The following DOCK5 variants were observed in gnomAD, a reference collection of about 807,000 sequenced individuals.
DOCK5 encodes dedicator of cytokinesis 5.
Under a neutral mutation model 251.8 loss-of-function variants are expected in DOCK5, and 142 were observed. That is an observed-to-expected ratio of 0.56 (90% CI 0.49 to 0.65). DOCK5 has a LOEUF of 0.65. DOCK5 is among the 30% of genes least tolerant of loss of function. DOCK5 has a pLI of 0.00. For missense variants in DOCK5, 2,111 were observed against 2,312.3 expected, an observed-to-expected ratio of 0.91 and a Z score of 1.79; for synonymous variants, 842 against 835.5, an observed-to-expected ratio of 1.01 and a Z score of -0.13.
chr8:25,247,416 G>A (rs1415651273), intron 2 of DOCK5, among the ~76,000 whole-genome samples: 6 of 152,024 alleles, frequency 3.9e-5, no homozygotes, highest in Admixed American at 3.9e-4. Flanking sequence ...GGGCAACATA[G>A]TGAGACCTTG....
intron 38 of DOCK5, among the ~76,000 whole-genome samples, chr8:25,379,853 CACA>C (rs1801033219): frequency 2.3e-5 from 3 of 128,400 alleles, no homozygotes; most frequent in African/African-American, 8.0e-5. Flanking sequence ...TACACCTACA[CACA>C]CACACACACA....
intron 2 of DOCK5, among the ~76,000 whole-genome samples, chr8:25,258,990 A>G (rs570659366): frequency 8.5e-5 from 13 of 152,230 alleles, no homozygotes; most frequent in African/African-American, 2.9e-4. Context: ...TTGGTGGTGC[A>G]TGCCTGTAAT....
chr8:25,253,475 G>A (rs1042706066), intron 2 of DOCK5, among the ~76,000 whole-genome samples: 3 of 152,156 alleles, frequency 2.0e-5, no homozygotes, highest in Non-Finnish European at 2.9e-5. Context: ...CCTGATTGCT[G>A]TAGCATTCAC....
At chr8:25,307,099 A>T (rs1358429936) in intron 11 of DOCK5, among the ~76,000 whole-genome samples, 1 of 152,184 alleles carries the variant, frequency 6.6e-6, no homozygotes, top group African/African-American at 2.4e-5. Flanking sequence ...AGGCAATAGA[A>T]ATGTTTCAGC....
chr8:25,356,007 A>G (rs1397830401), intron 27 of DOCK5, among the ~76,000 whole-genome samples: 2 of 145,832 alleles, frequency 1.4e-5, no homozygotes, highest in African/African-American at 5.0e-5. Context: ...CCTGGCCAAT[A>G]TGGTGAAACC....
In DOCK5 at chr8:25,340,871, A is replaced by G. The variant is rs746604870; in HGVS notation, c.2328-6A>G. The G allele has an allele frequency of 4.3e-6, 7 of 1,611,164 alleles. No homozygotes were observed. Among genetic ancestry groups the G allele is most frequent in the South Asian group, 2.2e-5 (2 of 90,388 alleles). ...GTCCAACTGCTTTTGTCTTTTTCCT[A>G]TTAAGATTTTATGGGCAGAGCAAAG... On this transcript the variant is annotated splice_polypyrimidine_tract_variant and splice_region_variant and intron_variant, in intron 22 of 51. Coordinates refer to ENST00000276440, the MANE Select transcript of DOCK5 (RefSeq NM_024940.8).
rs187573021 is a variant in DOCK5, at chr8:25,243,380, G to A, written c.44-294G>A. ...GAGTCTCATTTTATCACCCAGGCTG[G>A]TGTGCAGTGGCGTGATCTCGGCTCA... On this transcript the variant is annotated intron_variant, in intron 1 of 51. Transcript: ENST00000276440. Among the ~76,000 whole-genome samples, 573 of 151,510 alleles carry A rather than the reference G, an allele frequency of 3.8e-3. 6 individuals are homozygous for A. The highest frequency in any genetic ancestry group is 0.013 in the African/African-American group (550 of 41,162).
In DOCK5 at chr8:25,299,148, A is replaced by G. The variant is rs567173295; in HGVS notation, c.764+47A>G. On this transcript the variant is annotated intron_variant, in intron 8 of 51. Transcript: ENST00000276440. Reference sequence around the variant, plus strand: ...TGCTGCTGACCTAACAAAGATACCCAGCCTTCCCCTGACCCCTACCCGGGC... The same window carrying G: ...TGCTGCTGACCTAACAAAGATACCCGGCCTTCCCCTGACCCCTACCCGGGC... The G allele has an allele frequency of 3.4e-4, 534 of 1,591,906 alleles. 9 individuals are homozygous for G. The South Asian group carries it at 5.8e-3, about 17-fold the overall frequency.
intron 9 of DOCK5, among the ~76,000 whole-genome samples, chr8:25,301,899 G>A (rs930760904): frequency 6.6e-6 from 1 of 152,170 alleles, no homozygotes; most frequent in Admixed American, 6.5e-5. Flanking sequence ...GAAATGAAAT[G>A]TCACAGACTT....
chr8:25,259,025 A>G (rs1023876748), intron 2 of DOCK5, among the ~76,000 whole-genome samples: 2 of 152,208 alleles, frequency 1.3e-5, no homozygotes, highest in Non-Finnish European at 2.9e-5. Context: ...ATGCTGAGGC[A>G]GGAGAATTGC....
rs535056838 is a variant in DOCK5, at chr8:25,354,065, C to T, written c.2850+2239C>T. On this transcript the variant is annotated intron_variant, in intron 27 of 51. Transcript: ENST00000276440. ...AAAAAAAAACAAACAAAAAAAAAAA[C>T]GTAGGAGAGAAAACTAGTCAAATCA... Among the ~76,000 whole-genome samples, 29 of 99,042 alleles carry T rather than the reference C, an allele frequency of 2.9e-4. 1 individual carries two copies. The highest frequency in any genetic ancestry group is 2.7e-3 in the East Asian group (9 of 3,348). 65.0% of individuals were successfully genotyped at this position (99,042 alleles called of 152,430 possible). A position where few individuals can be genotyped will look rare whatever the true frequency, so the allele number is the denominator to read the frequency against.
In DOCK5 at chr8:25,194,550, C is replaced by G. The variant is rs186310685; in HGVS notation, c.43+9599C>G. On this transcript the variant is annotated intron_variant, in intron 1 of 51. Coordinates refer to ENST00000276440, the MANE Select transcript of DOCK5 (RefSeq NM_024940.8). ...CTTTATCTACCTGATAACAAGTGAT[C>G]TCATCCCCCGCCTTGGCTCTCATTC... Among the ~76,000 whole-genome samples, 154 of 152,218 alleles carry G rather than the reference C, an allele frequency of 1.0e-3. 2 individuals are homozygous for G. The highest frequency in any genetic ancestry group is 8.8e-3 in the Admixed American group (135 of 15,278).
rs1043106344 is a variant in DOCK5 at position 25,413,156 on chromosome 8, GGTT to G, written c.*1864_*1866del. 2 of 152,136 alleles carry G rather than the reference GGTT, an allele frequency of 1.3e-5. No homozygotes were observed. Among genetic ancestry groups the G allele is most frequent in the African/African-American group, 4.8e-5 (2 of 41,412 alleles). 9.4% of individuals were successfully genotyped at this position (152,136 alleles called of 1,614,324 possible). ...GAATGGGGATAATGCCTCCTGCATCGGTTGTTGTGAGGTTTCAATGAGATGAAA... is the reference window on the plus strand; with the variant it reads ...GAATGGGGATAATGCCTCCTGCATCGGTTGTGAGGTTTCAATGAGATGAAA... On this transcript the variant is annotated 3_prime_UTR_variant, in exon 52 of 52. Coordinates refer to ENST00000276440, the MANE Select transcript of DOCK5 (RefSeq NM_024940.8).
At chr8:25,384,430 A>T (rs1008518610) in intron 40 of DOCK5, among the ~76,000 whole-genome samples, 1 of 108,394 alleles carries the variant, frequency 9.2e-6, no homozygotes, top group Non-Finnish European at 1.9e-5. Flanking sequence ...TAATATTATT[A>T]TTTTATTTAT....
rs115031908 is a variant in DOCK5 at position 25,280,565 on chromosome 8, C to T, written c.321+1900C>T. On this transcript the variant is annotated intron_variant, in intron 5 of 51. Coordinates refer to ENST00000276440, the MANE Select transcript of DOCK5 (RefSeq NM_024940.8). ...GTCATCCTTCAAGACCTTGTTTAGA[C>T]GCTTTCTTCTTCATATTGTATTTTC... 6.6e-3 allele frequency among the ~76,000 whole-genome samples: 1,011 copies of T among 152,282 alleles called. 8 individuals carry two copies. Among genetic ancestry groups the T allele is most frequent in the African/African-American group, 0.023 (973 of 41,558 alleles).
intron 27 of DOCK5, among the ~76,000 whole-genome samples, chr8:25,354,673 A>C (rs965578710): frequency 2.0e-5 from 3 of 152,242 alleles, no homozygotes; most frequent in Non-Finnish European, 2.9e-5. Context: ...ACAGACACAG[A>C]CAGTCGCGAA....
Position 25,300,649 on chromosome 8 carries a change from G to A in DOCK5, c.838G>A (p.Val280Met). Residue 280 changes from valine to methionine, a missense_variant, in exon 9 of 52, where the codon GTG (valine) becomes ATG (methionine). Physicochemically the swap from Val to Met is conservative, Grantham distance 21 (BLOSUM62 1). Transcript: ENST00000276440. Reference protein sequence around the residue: ...EIEKLNNLQAVFTDLSSMDLI... With the variant: ...EIEKLNNLQAMFTDLSSMDLI... Reference sequence around the variant, plus strand: ...AGAGAAGCTCAATAACCTCCAAGCAGTGTTTACAGTAAGTCCTCCCTTCTG... The same window carrying A: ...AGAGAAGCTCAATAACCTCCAAGCAATGTTTACAGTAAGTCCTCCCTTCTG... 6.2e-7 allele frequency: 1 copy of A among 1,612,140 alleles called. No individual in the cohort carries two copies. The highest frequency in any genetic ancestry group is 1.7e-4 in the Middle Eastern group (1 of 6,058).
chr8:25,187,318 T>C (rs188069041), intron 1 of DOCK5, among the ~76,000 whole-genome samples: 61 of 143,292 alleles, frequency 4.3e-4, no homozygotes, highest in East Asian at 1.2e-3. Flanking sequence ...TATGCGTATA[T>C]GTGTGTGTGT....
intron 45 of DOCK5, among the ~76,000 whole-genome samples, chr8:25,399,471 G>C (rs540091725): frequency 2.0e-5 from 3 of 152,132 alleles, no homozygotes; most frequent in African/African-American, 4.8e-5. Flanking sequence ...CCAATGTCAC[G>C]GGACGAGCAG....
Sources: gnomAD v4.1 joint callset for allele counts (sites outside exome capture counted in the v4.1 genomes callset) on GRCh38, gnomAD v4.1.1 for gene constraint, MANE v1.5 for transcripts, NCBI Gene and HGNC (gene_info 2026-07-23, HGNC 2026-07-21) for gene names.